Variants in FASTKD5 observed in about 807,000 individuals in gnomAD.
FASTKD5 encodes non-canonical pre-mRNAs endonuclease FASTKD5, mitochondrial.
In FASTKD5, 30 loss-of-function variants were observed where a neutral mutation model predicts 44.0. The ratio of observed to expected loss-of-function variants is 0.68; its 90% confidence interval spans 0.51 to 0.93. FASTKD5 has a LOEUF of 0.93. FASTKD5 is among the 40% of genes least tolerant of loss of function. The pLI, the probability that FASTKD5 is intolerant of heterozygous loss-of-function variation, is 0.00. For synonymous variants in FASTKD5, 335 were observed against 342.2 expected (o/e 0.98, Z 0.23); for missense variants, 868 against 908.2 (o/e 0.96, Z 0.57).
At position 3,147,009 on chromosome 20, in the gene FASTKD5, C is replaced by G. The variant is rs1291182517; in HGVS notation, c.2062G>C (p.Ala688Pro). 2 of 1,614,058 alleles carry G rather than the reference C, an allele frequency of 1.2e-6. No individual in the cohort carries two copies. Among genetic ancestry groups the G allele is most frequent in the African/African-American group, 2.7e-5 (2 of 74,914 alleles). ...TTCATTCTTGGGGTCTGCATGCAGG[C>G]TGCGGGGCACAGGCCAGCCATCTCC... ...AMEMAGLCPA[A>P]CMQTPRMKLA... Residue 688 changes from alanine (A) to proline (P), a missense_variant, in exon 2 of 2, where the codon GCC (alanine) becomes CCC (proline). Physicochemically the swap from Ala to Pro is conservative, Grantham distance 27. Transcript: ENST00000380266.
intron 1 of FASTKD5, among the ~76,000 whole-genome samples, chr20:3,158,069 A>C (rs2066706856): frequency 6.6e-6 from 1 of 151,978 alleles, no homozygotes; most frequent in Non-Finnish European, 1.5e-5. Context: ...CAGCCTCCTA[A>C]GTAGCTTGGA....
chr20:3,158,905 G>T (rs1414102831), intron 1 of FASTKD5, among the ~76,000 whole-genome samples: 1 of 152,224 alleles, frequency 6.6e-6, no homozygotes, highest in East Asian at 1.9e-4. Context: ...TGTAGAAAAC[G>T]TGAATTCAGA....
chr20:3,151,443 T>C (rs1015640743), intron 1 of FASTKD5, among the ~76,000 whole-genome samples: 2 of 152,182 alleles, frequency 1.3e-5, no homozygotes, highest in Non-Finnish European at 2.9e-5. Flanking sequence ...GTCTATTACA[T>C]AAAAAGTCTG....
rs150800870 is a variant in FASTKD5, at chr20:3,148,896, T to C, written c.175A>G (p.Ile59Val). 24 of 1,614,104 alleles carry C rather than the reference T, an allele frequency of 1.5e-5. No homozygotes were observed. In the African/African-American group the frequency reaches 2.5e-4, roughly 17 times the overall value. ...CTCCGAGAAGAGAAGGTGCTACATA[T>C]GTTCTTAACTTTTTTGGCAGAATGG... is the stretch of plus-strand genomic sequence containing the variant. The part of the protein sequence containing the change: ...LCHSAKKVKN[I>V]CSTFSSRRIL... Residue 59 changes from isoleucine (I) to valine (V), a missense_variant, in exon 2 of 2, where the codon ATA (isoleucine) becomes GTA (valine). By Grantham distance (29) the Ile-to-Val change is conservative. Coordinates refer to ENST00000380266, the MANE Select transcript of FASTKD5 (RefSeq NM_021826.5).
chr20:3,148,497 G>A lies in FASTKD5; in HGVS notation c.574C>T (p.Gln192Ter), dbSNP rs1390773829. Reference sequence around the variant, plus strand: ...AGCTGTATCTTCTTCACACTCAGCTGGCAGAGCAGAGCAAAGCTGGTACTG... The same window carrying A: ...AGCTGTATCTTCTTCACACTCAGCTAGCAGAGCAGAGCAAAGCTGGTACTG... The part of the protein sequence containing the change: ...LGSTSFALLC[Q>*]LSVKKIQLFD... Residue 192 changes from glutamine (Q) to a stop codon, truncating the protein, a stop_gained, in exon 2 of 2, where the codon CAG becomes TAG. Transcript: ENST00000380266. LOFTEE classifies it high-confidence loss of function. 13 of 1,613,976 alleles carry A rather than the reference G, an allele frequency of 8.1e-6. No homozygotes were observed. The highest frequency in any genetic ancestry group is 1.1e-5 in the Non-Finnish European group (13 of 1,180,014).
In FASTKD5 at chr20:3,149,348, C is replaced by T; in HGVS notation, c.-190-88G>A. On this transcript the variant is annotated intron_variant, in intron 1 of 1. Transcript: ENST00000380266. The surrounding 1 kb of genome is among the most constrained non-coding windows in gnomAD (Gnocchi z 4.1). The stretch of plus-strand genomic sequence containing the variant: ...TTATAAAAAACAGGTTGAAACTACA[C>T]TGCTGTCTACTCAAATAAGTTCAAT... 1 of 420,148 alleles carries T rather than the reference C, an allele frequency of 2.4e-6. No individual in the cohort carries two copies. Among genetic ancestry groups the T allele is most frequent in the Admixed American group, 4.1e-5 (1 of 24,230 alleles). 26.0% of individuals were successfully genotyped at this position (420,148 alleles called of 1,614,324 possible). A position where few individuals can be genotyped will look rare whatever the true frequency, so the allele number is the denominator to read the frequency against.
intron 1 of FASTKD5, among the ~76,000 whole-genome samples, chr20:3,157,078 T>C (rs965193651): frequency 1.3e-5 from 2 of 149,986 alleles, no homozygotes; most frequent in East Asian, 2.0e-4. Context: ...CTGGGCTACA[T>C]GGCGAGACCC....
At chr20:3,155,261 G>A (rs914809433) in intron 1 of FASTKD5, among the ~76,000 whole-genome samples, 12 of 151,996 alleles carry the variant, frequency 7.9e-5, no homozygotes, top group African/African-American at 2.4e-4. Context: ...TGGGCACAGC[G>A]GCTCAAGTCT....
At chr20:3,151,714 T>C (rs905710002) in intron 1 of FASTKD5, 4 of 152,016 alleles carry the variant, frequency 2.6e-5, no homozygotes, top group Non-Finnish European at 5.9e-5. Context: ...ATAATGTTTT[T>C]CTTTAATATT....
chr20:3,149,575 A>C lies in FASTKD5; in HGVS notation c.-190-315T>G, dbSNP rs1367832423. On this transcript the variant is annotated intron_variant, in intron 1 of 1. Transcript: ENST00000380266. The surrounding 1 kb of genome is among the most constrained non-coding windows in gnomAD (Gnocchi z 4.1). ...CCGCTAACATTTGATAGGAAGAAGG[A>C]AGGCAGATTTCTAGAAAGAAGGCTG... Among the ~76,000 whole-genome samples the C allele has an allele frequency of 2.6e-5, 4 of 152,216 alleles. No homozygotes were observed. Among genetic ancestry groups the C allele is most frequent in the Non-Finnish European group, 4.4e-5 (3 of 68,032 alleles).
intron 1 of FASTKD5, among the ~76,000 whole-genome samples, chr20:3,157,616 T>C (rs375420796): frequency 1.3e-5 from 2 of 152,228 alleles, no homozygotes; most frequent in African/African-American, 4.8e-5. Flanking sequence ...CATAAAACCC[T>C]GTCTTTAGAA....
Position 3,146,530 on chromosome 20 carries a change from T to C in FASTKD5, c.*246A>G, listed in dbSNP as rs113871721. On this transcript the variant is annotated 3_prime_UTR_variant, in exon 2 of 2. Transcript: ENST00000380266. ...AATCCAACAAGGACTTACTTGACCG[T>C]AGGACATATTAAGATGTTTATTATT... 1 of 446,626 alleles carries C rather than the reference T, an allele frequency of 2.2e-6. No homozygotes were observed. Among genetic ancestry groups the C allele is most frequent in the Non-Finnish European group, 3.9e-6 (1 of 253,696 alleles). 27.7% of individuals were successfully genotyped at this position (446,626 alleles called of 1,614,324 possible). A position where few individuals can be genotyped will look rare whatever the true frequency, so the allele number is the denominator to read the frequency against.
intron 1 of FASTKD5, among the ~76,000 whole-genome samples, chr20:3,155,052 C>CAAAA (rs11326176): frequency 1.5e-4 from 14 of 96,044 alleles, no homozygotes; most frequent in African/African-American, 5.5e-4. Context: ...GACACAGTCT[C>CAAAA]AAAAAAAAAA....
In FASTKD5 at chr20:3,148,996, G is replaced by A. The variant is rs781396179; in HGVS notation, c.75C>T (p.Val25=). The part of the protein sequence containing the change: ...AFCSPSAFGA[V]RSVSYWNVSS... The stretch of plus-strand genomic sequence containing the variant: ...TCACATTCCAGTATGACACACTTCG[G>A]ACTGCACCAAAGGCAGAAGGACTGC... The change falls in exon 2 of 2, where the codon GTC becomes GTT. Residue 25 remains valine (V), a synonymous_variant. Transcript: ENST00000380266. 7 of 1,614,068 alleles carry A rather than the reference G, an allele frequency of 4.3e-6. No homozygotes were observed. The Admixed American group carries it at 1.2e-4, about 27-fold the overall frequency.
chr20:3,158,710 G>A (rs904990754), intron 1 of FASTKD5, among the ~76,000 whole-genome samples: 3 of 152,114 alleles, frequency 2.0e-5, no homozygotes, highest in Non-Finnish European at 4.4e-5. Context: ...TCCTGACCTC[G>A]TGATCCGCCC....
Position 3,146,865 on chromosome 20 carries a change from A to G in FASTKD5, c.2206T>C (p.Ser736Pro), listed in dbSNP as rs775799063. The G allele has an allele frequency of 1.2e-6, 2 of 1,614,216 alleles. No homozygotes were observed. Among genetic ancestry groups the G allele is most frequent in the Non-Finnish European group, 1.7e-6 (2 of 1,180,036 alleles). Residue 736 changes from serine (S) to proline (P), a missense_variant, in exon 2 of 2, where the codon TCC becomes CCC. Ser to Pro is a moderately conservative substitution (Grantham distance 74). Coordinates refer to ENST00000380266, the MANE Select transcript of FASTKD5 (RefSeq NM_021826.5). ...AGTAGTGGGAGCCATTCCCAGTAGG[A>G]TAACTCTACCACACGGTAGCCAAGC... ...ARLGYRVVEL[S>P]YWEWLPLLKR... is the part of the protein sequence containing the mutation.
Position 3,148,904 on chromosome 20 carries a change from A to C in FASTKD5, c.167T>G (p.Val56Gly). The change falls in exon 2 of 2, where the codon GTT (valine) becomes GGT (glycine). Residue 56 changes from valine to glycine, a missense_variant. By Grantham distance (109) the Val-to-Gly change is moderately radical. Transcript: ENST00000380266. ...AGAGAAGGTGCTACATATGTTCTTA[A>C]CTTTTTTGGCAGAATGGCAGAGGCT... ...HISLCHSAKK[V>G]KNICSTFSSR... 2 of 1,614,078 alleles carry C rather than the reference A, an allele frequency of 1.2e-6. No individual in the cohort carries two copies. Among genetic ancestry groups the C allele is most frequent in the Non-Finnish European group, 1.7e-6 (2 of 1,180,022 alleles).
rs1248862929 is a variant in FASTKD5, at chr20:3,158,529, A to G, written c.-191+1237T>C. On this transcript the variant is annotated intron_variant, in intron 1 of 1. Transcript: ENST00000380266. ...CGCTCTCTCGCCCAGGCTGGAGTGC[A>G]GTGGCGCGATCTCGGCTCACTGCAC... 2.6e-5 allele frequency among the ~76,000 whole-genome samples: 4 copies of G among 151,994 alleles called. No homozygotes were observed. The East Asian group carries it at 5.8e-4, about 22-fold the overall frequency.
Position 3,148,000 on chromosome 20 carries a change from C to T in FASTKD5, c.1071G>A (p.Val357=). 6.2e-7 allele frequency: 1 copy of T among 1,614,170 alleles called. No homozygotes were observed. Among genetic ancestry groups the T allele is most frequent in the Non-Finnish European group, 8.5e-7 (1 of 1,180,044 alleles). Reference sequence around the variant, plus strand: ...TGAAACGGAACATTTTAACAATATTCACTAAGGAGCGACTACTCAGATGCT... The same window carrying T: ...TGAAACGGAACATTTTAACAATATTTACTAAGGAGCGACTACTCAGATGCT... ...NIQHLSSRSL[V]NIVKMFRFTH... Residue 357 remains valine (V), a synonymous_variant, in exon 2 of 2, where the codon GTG becomes GTA. Transcript: ENST00000380266.
Sources: gnomAD v4.1 joint callset for allele counts (sites outside exome capture counted in the v4.1 genomes callset) on GRCh38, gnomAD v4.1.1 for gene constraint, Gnocchi (gnomAD v3.1) non-coding constraint, MANE v1.5 for transcripts, NCBI Gene and HGNC (gene_info 2026-07-23, HGNC 2026-07-21) for gene names.